The following SSRP1 variants were observed in gnomAD, a reference collection of about 807,000 sequenced individuals.
SSRP1 encodes structure specific recognition protein 1, also known as FACT complex subunit SSRP1.
Under a neutral mutation model 84.4 loss-of-function variants are expected in SSRP1, and 21 were observed. The observed-to-expected ratio is 0.25, with a 90% CI of 0.18 to 0.36. SSRP1 has a LOEUF of 0.36. Among genes scored for constraint, SSRP1 ranks in the 10% least tolerant of loss-of-function variants. SSRP1 has a pLI of 1.00. For synonymous variants in SSRP1, 319 were observed against 318.3 expected (o/e 1.00, Z -0.02); for missense variants, 519 against 900.8 (o/e 0.58, Z 5.43).
At chr11:57,326,960 T>C (rs550191602) in intron 15 of SSRP1, 71 bp from the exon 16 acceptor site, 1 of 1,470,288 alleles carries the variant, frequency 6.8e-7, no homozygotes, top group East Asian at 2.5e-5. Flanking sequence ...CTCTCCCAGC[T>C]TTAACAAGGC....
rs34250794 is a variant in SSRP1 at position 57,326,754 on chromosome 11, A to G, written c.2007T>C (p.Asp669=). ...TCTTGTTCTCTCCCGAAGAGCTCTC[A>G]TCACTAGACACAAACTCTTTGCTCT... ...SFKSKEFVSS[D]ESSSGENKSK... is the part of the protein sequence containing the mutation. The change falls in exon 16 of 17, where the codon GAT becomes GAC. Residue 669 remains aspartate, a synonymous_variant. Transcript: ENST00000278412. 24,078 of 1,614,178 alleles carry G rather than the reference A, an allele frequency of 0.015. 300 individuals carry two copies. The highest frequency in any genetic ancestry group is 0.044 in the South Asian group (3,971 of 91,080).
chr11:57,326,236 A>C lies in SSRP1; in HGVS notation c.*171T>G. The C allele has an allele frequency of 1.6e-6, 1 of 637,208 alleles. No individual in the cohort carries two copies. The highest frequency in any genetic ancestry group is 1.9e-5 in the South Asian group (1 of 51,524). The allele number at this position is 637,208 out of a possible 1,614,324, so 39.5% of individuals were successfully genotyped here. The stretch of plus-strand genomic sequence containing the variant: ...TAAACAGCCATCCTTGGGAAGCAGC[A>C]GAGTTAAGACGTCTCCCCACTGCCC... On this transcript the variant is annotated 3_prime_UTR_variant, in exon 17 of 17. Coordinates refer to ENST00000278412, the MANE Select transcript of SSRP1 (RefSeq NM_003146.3).
In SSRP1 at chr11:57,335,497, C is replaced by A; in HGVS notation, c.-120+233G>T. 1 of 311,532 alleles carries A rather than the reference C, an allele frequency of 3.2e-6. No individual in the cohort carries two copies. Among genetic ancestry groups the A allele is most frequent in the Non-Finnish European group, 6.4e-6 (1 of 157,246 alleles). 19.3% of individuals were successfully genotyped at this position (311,532 alleles called of 1,614,324 possible). ...GAGCCATGGCAACGAGCAGCGGAAC[C>A]CCAGGGTCTGCCAGGAGCCCGCACA... On this transcript the variant is annotated intron_variant, in intron 1 of 16. Coordinates refer to ENST00000278412, the MANE Select transcript of SSRP1 (RefSeq NM_003146.3). This position sits in a 1 kb window ranked among gnomAD's most constrained non-coding sequence, Gnocchi z 4.6.
chr11:57,330,265 C>A lies in SSRP1; in HGVS notation c.1435+26G>T, dbSNP rs768409806. The A allele has an allele frequency of 6.2e-7, 1 of 1,614,172 alleles. No homozygotes were observed. Among genetic ancestry groups the A allele is most frequent in the Non-Finnish European group, 8.5e-7 (1 of 1,179,994 alleles). ...ACAGCGAGGAGCGTCTGACCATCCT[C>A]GTGCTCAGCACGGAGGCTAACCCAC... On this transcript the variant is annotated intron_variant, in intron 11 of 16. Coordinates refer to ENST00000278412, the MANE Select transcript of SSRP1 (RefSeq NM_003146.3). This position sits in a 1 kb window ranked among gnomAD's most constrained non-coding sequence, Gnocchi z 4.0.
chr11:57,332,570 T>G lies in SSRP1; in HGVS notation c.768+55A>C. 1 of 1,602,806 alleles carries G rather than the reference T, an allele frequency of 6.2e-7. No homozygotes were observed. ...ATTCTGCACACCAGTGAGATCCATC[T>G]ACTTAACACTTAGGCAAAAACCAGG... On this transcript the variant is annotated intron_variant, in intron 6 of 16. Transcript: ENST00000278412. This position sits in a 1 kb window ranked among gnomAD's most constrained non-coding sequence, Gnocchi z 5.5.
Position 57,327,525 on chromosome 11 carries a change from C to T in SSRP1, c.1783-11G>A. The T allele has an allele frequency of 6.2e-7, 1 of 1,613,918 alleles. No individual in the cohort carries two copies. The highest frequency in any genetic ancestry group is 8.5e-7 in the Non-Finnish European group (1 of 1,179,974). On this transcript the variant is annotated splice_polypyrimidine_tract_variant and intron_variant, in intron 14 of 16. Coordinates refer to ENST00000278412, the MANE Select transcript of SSRP1 (RefSeq NM_003146.3). ...CTTGCGATCCCACTCCTGTCTCACACACAGAAAAAAACAGTTAAGAATAAG... is the reference window on the plus strand; with the variant it reads ...CTTGCGATCCCACTCCTGTCTCACATACAGAAAAAAACAGTTAAGAATAAG...
At chr11:57,327,605 C>G in intron 14 of SSRP1, 91 bp from the exon 15 acceptor site, 1 of 1,602,862 alleles carries the variant, frequency 6.2e-7, no homozygotes, top group Non-Finnish European at 8.5e-7. Context: ...CAGAAAGTCC[C>G]ACCAATGGCT....
chr11:57,334,475 G>C lies in SSRP1; in HGVS notation c.228C>G (p.Gly76=). 1 of 1,614,028 alleles carries C rather than the reference G, an allele frequency of 6.2e-7. No individual in the cohort carries two copies. The change falls in exon 3 of 17, where the codon GGC becomes GGG. Residue 76 remains glycine, a synonymous_variant. Coordinates refer to ENST00000278412, the MANE Select transcript of SSRP1 (RefSeq NM_003146.3). ...TGGGACATCTCACCGATTCTCGGAA[G>C]CCATCATACTTGTAGACATGGCCAT... The part of the protein sequence containing the change: ...TKNGHVYKYD[G]FRESEFEKLS...
chr11:57,335,298 A>T lies in SSRP1; in HGVS notation c.-119-58T>A. ...AGACAGCACCTCGCTGTGCTCACGGATGGAGCCAGGTAGCAACTCCCAGCT... is the reference window on the plus strand; with the variant it reads ...AGACAGCACCTCGCTGTGCTCACGGTTGGAGCCAGGTAGCAACTCCCAGCT... On this transcript the variant is annotated intron_variant, in intron 1 of 16. Transcript: ENST00000278412. This position sits in a 1 kb window ranked among gnomAD's most constrained non-coding sequence, Gnocchi z 4.6. 1 of 663,472 alleles carries T rather than the reference A, an allele frequency of 1.5e-6. No individual in the cohort carries two copies. Among genetic ancestry groups the T allele is most frequent in the Non-Finnish European group, 2.7e-6 (1 of 370,126 alleles). The allele number at this position is 663,472 out of a possible 1,614,324, so 41.1% of individuals were successfully genotyped here. A position where few individuals can be genotyped will look rare whatever the true frequency, so the allele number is the denominator to read the frequency against.
At chr11:57,329,938 T>G in intron 12 of SSRP1, 155 bp downstream of exon 12, 1 of 938,852 alleles carries the variant, frequency 1.1e-6, no homozygotes, top group Non-Finnish European at 1.7e-6. Flanking sequence ...CCCTTGACAA[T>G]TTCCAAAACA....
intron 4 of SSRP1, 137 bp downstream of exon 4, chr11:57,333,298 C>T (rs1856133625): frequency 4.5e-6 from 5 of 1,114,970 alleles, no homozygotes; most frequent in Non-Finnish European, 6.6e-6. Context: ...ACTGTAGGTA[C>T]TCAATAAACA....
In SSRP1 at chr11:57,331,704, T is replaced by C. The variant is rs1856094676; in HGVS notation, c.1187A>G (p.Lys396Arg). 6.2e-7 allele frequency: 1 copy of C among 1,614,008 alleles called. No individual in the cohort carries two copies. Among genetic ancestry groups the C allele is most frequent in the African/African-American group, 1.3e-5 (1 of 74,924 alleles). ...GCTGAAGGTATACTGAGTGCCCTGCTTGGTCTCAATTTCAAAGTCAAAGGA... is the reference window on the plus strand; with the variant it reads ...GCTGAAGGTATACTGAGTGCCCTGCCTGGTCTCAATTTCAAAGTCAAAGGA... ...TRSFDFEIET[K>R]QGTQYTFSSI... Residue 396 changes from lysine (K) to arginine (R), a missense_variant, in exon 9 of 17, where the codon AAG becomes AGG. Physicochemically the swap from Lys to Arg is conservative, Grantham distance 26. This residue lies in a region of SSRP1 where 16 missense variants were observed against 29.0 expected (regional missense o/e 0.55). Transcript: ENST00000278412.
At position 57,335,222 on chromosome 11, in the gene SSRP1, T is replaced by TC. The variant is rs1856187480; in HGVS notation, c.-102_-101insG. On this transcript the variant is annotated 5_prime_UTR_variant, in exon 2 of 17. Transcript: ENST00000278412. The surrounding 1 kb of genome is among the most constrained non-coding windows in gnomAD (Gnocchi z 4.6). ...CCCAACTCCTGAGTGGGTGTGCGGA[T>TC]GCTCAGCAGGTTGGGAATCTGAATT... 3.3e-6 allele frequency: 4 copies of TC among 1,206,176 alleles called. No homozygotes were observed. In the Admixed American group the frequency reaches 5.1e-5, roughly 15 times the overall value. The allele number at this position is 1,206,176 out of a possible 1,614,324, so 74.7% of individuals were successfully genotyped here.
Position 57,330,733 on chromosome 11 carries a change from C to T in SSRP1, c.1296+122G>A. On this transcript the variant is annotated intron_variant, in intron 10 of 16. Coordinates refer to ENST00000278412, the MANE Select transcript of SSRP1 (RefSeq NM_003146.3). This position sits in a 1 kb window ranked among gnomAD's most constrained non-coding sequence, Gnocchi z 4.0. ...AGGAGGGGGAAAGGGTCACACGCAC[C>T]TCTTTTTTCTATAAGGGTAAGAAGA... 6.5e-7 allele frequency: 1 copy of T among 1,540,414 alleles called. No homozygotes were observed. Among genetic ancestry groups the T allele is most frequent in the Non-Finnish European group, 8.7e-7 (1 of 1,142,914 alleles).
chr11:57,335,255 A>AAGAC lies in SSRP1; in HGVS notation c.-119-19_-119-16dup. On this transcript the variant is annotated splice_polypyrimidine_tract_variant and intron_variant, in intron 1 of 16. Transcript: ENST00000278412. This position sits in a 1 kb window ranked among gnomAD's most constrained non-coding sequence, Gnocchi z 4.6. Reference sequence around the variant, plus strand: ...AGGTTGGGAATCTGAATTCAAGAGGAAGACAGATAAGCATGAAAGACAGCA... The same window carrying AAGAC: ...AGGTTGGGAATCTGAATTCAAGAGGAAGACAGACAGATAAGCATGAAAGACAGCA... The AAGAC allele has an allele frequency of 1.1e-6, 1 of 874,822 alleles. No individual in the cohort carries two copies. The highest frequency in any genetic ancestry group is 1.9e-6 in the Non-Finnish European group (1 of 524,070). 54.2% of individuals were successfully genotyped at this position (874,822 alleles called of 1,614,324 possible).
Position 57,327,470 on chromosome 11 carries a change from T to C in SSRP1, c.1827A>G (p.Lys609=), listed in dbSNP as rs570046980. Residue 609 remains lysine (K), a synonymous_variant, in exon 15 of 17, where the codon AAA becomes AAG. Transcript: ENST00000278412. ...GGCCCCCTTCATATTCTTTCATGGC[T>C]TTTTCATAGTCCCTCCTGGCATCCT... The part of the protein sequence containing the change: ...KAEDARRDYE[K]AMKEYEGGRG... The C allele has an allele frequency of 6.2e-7, 1 of 1,614,092 alleles. No individual in the cohort carries two copies. The highest frequency in any genetic ancestry group is 1.1e-5 in the South Asian group (1 of 91,076).
At position 57,332,750 on chromosome 11, in the gene SSRP1, C is replaced by T; in HGVS notation, c.643G>A (p.Asp215Asn). The change falls in exon 6 of 17, where the codon GAC becomes AAC. Residue 215 changes from aspartate (D) to asparagine (N), a missense_variant. Transcript: ENST00000278412. The surrounding 1 kb of genome is among the most constrained non-coding windows in gnomAD (Gnocchi z 5.5). Reference protein sequence around the residue: ...LQCLTPRGRYDIRIYPTFLHL... With the variant: ...LQCLTPRGRYNIRIYPTFLHL... ...AGAAAGGTGGGGTAGATCCGAATGT[C>T]ATAACGACCACGAGGAGTCAGACAC... The T allele has an allele frequency of 1.9e-6, 3 of 1,614,110 alleles. No homozygotes were observed. Among genetic ancestry groups the T allele is most frequent in the Non-Finnish European group, 2.5e-6 (3 of 1,180,026 alleles).
chr11:57,326,123 C>T lies in SSRP1; in HGVS notation c.*284G>A, dbSNP rs543079175. 11 of 500,580 alleles carry T rather than the reference C, an allele frequency of 2.2e-5. No homozygotes were observed. The East Asian group carries it at 3.3e-4, about 15-fold the overall frequency. 31.0% of individuals were successfully genotyped at this position (500,580 alleles called of 1,614,324 possible). On this transcript the variant is annotated 3_prime_UTR_variant, in exon 17 of 17. Transcript: ENST00000278412. ...GCTCCAGCAACTTGAACAGGACAAGCAGCAGCTACATCCTTAAGGTCGGGA... is the reference window on the plus strand; with the variant it reads ...GCTCCAGCAACTTGAACAGGACAAGTAGCAGCTACATCCTTAAGGTCGGGA...
intron 15 of SSRP1, chr11:57,327,163 A>G: frequency 1.5e-6 from 1 of 654,824 alleles, no homozygotes; most frequent in Non-Finnish European, 2.6e-6. Context: ...TGTGCACTGC[A>G]CTCCATAATA....
Sources: allele counts gnomAD v4.1 joint callset, GRCh38; gene constraint gnomAD v4.1.1; regional missense constraint gnomAD v4.1.1; non-coding constraint Gnocchi (gnomAD v3.1); transcripts MANE v1.5; gene names NCBI Gene and HGNC (gene_info 2026-07-23, HGNC 2026-07-21).